The following KHDRBS3 variants were observed in gnomAD, a reference collection of about 807,000 sequenced individuals.
KHDRBS3 encodes the protein KH domain-containing, RNA-binding, signal transduction-associated protein 3.
Under a neutral mutation model 45.6 loss-of-function variants are expected in KHDRBS3, and 23 were observed. That is an observed-to-expected ratio of 0.50 (90% CI 0.36 to 0.72). The LOEUF is 0.72. Ranked by LOEUF, KHDRBS3 falls within the 30% of genes least tolerant of loss-of-function variation. The probability of loss-of-function intolerance (pLI) is 0.00; values close to 1 mark genes in which losing one functional copy is unlikely to be tolerated. For missense variants in KHDRBS3, 352 were observed against 424.8 expected (o/e 0.83, Z 1.51); for synonymous variants, 162 against 156.5 (o/e 1.04, Z -0.26).
intron 5 of KHDRBS3, among the ~76,000 whole-genome samples, chr8:135,563,948 C>A (rs1827283811): frequency 6.6e-6 from 1 of 152,174 alleles, no homozygotes; most frequent in Admixed American, 6.5e-5. Context: ...AGATTATGCC[C>A]TCTTTTTAAG....
At chr8:135,606,767 C>T (rs1829483727) in intron 6 of KHDRBS3, among the ~76,000 whole-genome samples, 188 bp from the exon 7 acceptor site, 1 of 152,164 alleles carries the variant, frequency 6.6e-6, no homozygotes, top group African/African-American at 2.4e-5. Flanking sequence ...TTACCAATTG[C>T]TCTTTGCTTT....
At chr8:135,506,913 A>G (rs951749600) in intron 1 of KHDRBS3, among the ~76,000 whole-genome samples, 41 of 152,076 alleles carry the variant, frequency 2.7e-4, no homozygotes, top group African/African-American at 9.7e-4. Context: ...TCTCTCCTGA[A>G]TCATTTATCC....
At chr8:135,609,769 C>G (rs1829634190) in intron 7 of KHDRBS3, among the ~76,000 whole-genome samples, 1 of 151,842 alleles carries the variant, frequency 6.6e-6, no homozygotes, top group South Asian at 2.1e-4. Context: ...TTATGCAGCA[C>G]GTGACTCTAT....
chr8:135,623,869 C>T (rs1456133941), intron 7 of KHDRBS3, among the ~76,000 whole-genome samples: 1 of 152,188 alleles, frequency 6.6e-6, no homozygotes, highest in Non-Finnish European at 1.5e-5. Context: ...CATTTTAGGA[C>T]AAGCTACCAC....
chr8:135,509,063 A>G (rs1208495155), intron 1 of KHDRBS3, among the ~76,000 whole-genome samples: 2 of 152,228 alleles, frequency 1.3e-5, no homozygotes, highest in East Asian at 1.9e-4. Context: ...ACCACTGTGC[A>G]TAATAGCATG....
intron 4 of KHDRBS3, among the ~76,000 whole-genome samples, chr8:135,655,360 G>T (rs1044395698): frequency 6.6e-6 from 1 of 152,164 alleles, no homozygotes; most frequent in African/African-American, 2.4e-5. Flanking sequence ...GACAAAGGAA[G>T]AAATAAAACC....
rs1826196963 is a variant in KHDRBS3 at position 135,544,568 on chromosome 8, C to A, written c.324+1798C>A. 2.6e-5 allele frequency among the ~76,000 whole-genome samples: 4 copies of A among 152,078 alleles called. 1 individual carries two copies. Among genetic ancestry groups the A allele is most frequent in the African/African-American group, 9.7e-5 (4 of 41,408 alleles). Reference sequence around the variant, plus strand: ...TTATGAAGTAATGCATGACTTCCCTCCTGGCCACCGTGGCCATTTTGCTGA... The same window carrying A: ...TTATGAAGTAATGCATGACTTCCCTACTGGCCACCGTGGCCATTTTGCTGA... On this transcript the variant is annotated intron_variant, in intron 3 of 8. Coordinates refer to ENST00000355849, the MANE Select transcript of KHDRBS3 (RefSeq NM_006558.3).
At chr8:135,621,938 G>A (rs1035321227) in intron 7 of KHDRBS3, among the ~76,000 whole-genome samples, 1 of 151,684 alleles carries the variant, frequency 6.6e-6, no homozygotes, top group African/African-American at 2.4e-5. Context: ...CCCCATGCCC[G>A]TAACCCCCAC....
chr8:135,648,005 G>A (rs1299196988), downstream of KHDRBS3: 1 of 152,048 alleles, frequency 6.6e-6, no homozygotes, highest in South Asian at 2.1e-4. Flanking sequence ...TGAACACCTC[G>A]CTCCATGCTG....
chr8:135,535,088 A>G (rs887582699), intron 2 of KHDRBS3, among the ~76,000 whole-genome samples: 1 of 152,056 alleles, frequency 6.6e-6, no homozygotes, highest in African/African-American at 2.4e-5. Context: ...TTTGTTATGT[A>G]GTAGTGGATA....
At chr8:135,594,539 T>C (rs1355011703) in intron 6 of KHDRBS3, among the ~76,000 whole-genome samples, 3 of 152,244 alleles carry the variant, frequency 2.0e-5, no homozygotes, top group African/African-American at 7.2e-5. Flanking sequence ...TAAGTTGCCA[T>C]GTGGAAAGTA....
intron 7 of KHDRBS3, among the ~76,000 whole-genome samples, chr8:135,612,641 TA>T (rs1302451280): frequency 6.6e-6 from 1 of 151,902 alleles, no homozygotes; most frequent in Non-Finnish European, 1.5e-5. Flanking sequence ...CGTGCAATGC[TA>T]CAGTTATAGT....
At chr8:135,600,987 C>T (rs778433143) in intron 6 of KHDRBS3, among the ~76,000 whole-genome samples, 5 of 152,156 alleles carry the variant, frequency 3.3e-5, no homozygotes, top group Non-Finnish European at 5.9e-5. Flanking sequence ...AGTAAAGGAG[C>T]TTTATTTAGC....
chr8:135,569,006 C>T (rs1264237318), intron 5 of KHDRBS3, among the ~76,000 whole-genome samples: 3 of 151,848 alleles, frequency 2.0e-5, no homozygotes, highest in African/African-American at 4.8e-5. Flanking sequence ...TGTTTTTATT[C>T]GTTTGTTTAA....
At chr8:135,605,252 C>A (rs538180745) in intron 6 of KHDRBS3, among the ~76,000 whole-genome samples, 33 of 152,090 alleles carry the variant, frequency 2.2e-4, no homozygotes, top group African/African-American at 7.7e-4. Context: ...TTGGGTCTGT[C>A]AGTATTTATA....
chr8:135,494,480 G>A (rs546077250), intron 1 of KHDRBS3, among the ~76,000 whole-genome samples: 142 of 151,872 alleles, frequency 9.3e-4, no homozygotes, highest in Non-Finnish European at 1.6e-3. Flanking sequence ...GGGTTTCACC[G>A]TGTTAGCCAG....
At chr8:135,478,929 A>G (rs1822431308) in intron 1 of KHDRBS3, among the ~76,000 whole-genome samples, 1 of 152,236 alleles carries the variant, frequency 6.6e-6, no homozygotes, top group Admixed American at 6.5e-5. Flanking sequence ...AGTAAGCAGA[A>G]TGAAGGAAAT....
intron 1 of KHDRBS3, among the ~76,000 whole-genome samples, chr8:135,492,642 T>C (rs1823218596): frequency 6.6e-6 from 1 of 151,352 alleles, no homozygotes; most frequent in Admixed American, 6.6e-5. Context: ...CACCATTCCG[T>C]TCTGTTCCTC....
chr8:135,594,948 C>T (rs1828909186), intron 6 of KHDRBS3, among the ~76,000 whole-genome samples: 1 of 152,124 alleles, frequency 6.6e-6, no homozygotes, highest in Non-Finnish European at 1.5e-5. Context: ...GTAGGCAAAA[C>T]CTAAAAGAAG....
Sources: gnomAD v4.1 joint callset for allele counts (sites outside exome capture counted in the v4.1 genomes callset) on GRCh38, gnomAD v4.1.1 for gene constraint, MANE v1.5 for transcripts, NCBI Gene and HGNC (gene_info 2026-07-23, HGNC 2026-07-21) for gene names.